The following FHIT variants were observed in gnomAD, a reference collection of about 807,000 sequenced individuals.
FHIT encodes bis(5'-adenosyl)-triphosphatase.
In FHIT, 19 loss-of-function variants were observed where a neutral mutation model predicts 17.9. The observed-to-expected ratio is 1.06, with a 90% confidence interval of 0.74 to 1.56. The LOEUF is 1.56. Ranked by LOEUF, FHIT falls within the 40% of genes most tolerant of loss-of-function variation. The pLI is 0.00. For synonymous variants in FHIT, 81 were observed against 69.7 expected (o/e 1.16, Z -0.81); for missense variants, 248 against 189.2 (o/e 1.31, Z -1.82).
At chr3:61,212,191 A>G (rs892623100) in intron 1 of FHIT, among the ~76,000 whole-genome samples, 5 of 152,262 alleles carry the variant, frequency 3.3e-5, no homozygotes, top group Non-Finnish European at 7.3e-5. Context: ...GCTTCAGACG[A>G]TCAAACTACT....
At chr3:60,183,613 T>A (rs192471642) in intron 5 of FHIT, among the ~76,000 whole-genome samples, 1 of 152,168 alleles carries the variant, frequency 6.6e-6, no homozygotes, top group East Asian at 1.9e-4. Flanking sequence ...CAGGCTCAAG[T>A]GTGCCATGTC....
chr3:60,912,423 G>T (rs1303325979), intron 3 of FHIT, among the ~76,000 whole-genome samples: 1 of 152,118 alleles, frequency 6.6e-6, no homozygotes, highest in African/African-American at 2.4e-5. Flanking sequence ...TATCCCATGG[G>T]GTTATTATAG....
chr3:60,822,828 G>C lies in FHIT; in HGVS notation c.-110-817C>G, dbSNP rs185248581. On this transcript the variant is annotated intron_variant, in intron 3 of 9. Coordinates refer to ENST00000492590, the MANE Select transcript of FHIT (RefSeq NM_002012.4). The stretch of plus-strand genomic sequence containing the variant: ...GTGACAGGGAGGCTATTGAGACCTT[G>C]CTGCTCATAAATCACTCAATGACAA... Among the ~76,000 whole-genome samples the C allele has an allele frequency of 2.0e-5, 3 of 152,240 alleles. No homozygotes were observed. In the East Asian group the frequency reaches 5.8e-4, roughly 29 times the overall value.
At chr3:60,731,692 C>T (rs1553711281) in intron 4 of FHIT, among the ~76,000 whole-genome samples, 1 of 152,180 alleles carries the variant, frequency 6.6e-6, no homozygotes, top group Non-Finnish European at 1.5e-5. Context: ...CACGCACCCA[C>T]CTCCTGAGAT....
chr3:61,165,243 T>C (rs1386153248), intron 2 of FHIT, among the ~76,000 whole-genome samples: 5 of 152,214 alleles, frequency 3.3e-5, no homozygotes, highest in Admixed American at 2.6e-4. Context: ...CTGACCTAAT[T>C]TACATTCTCG....
chr3:60,289,857 T>C (rs1197625285), intron 5 of FHIT, among the ~76,000 whole-genome samples: 2 of 152,198 alleles, frequency 1.3e-5, no homozygotes, highest in African/African-American at 2.4e-5. Context: ...AACTATAGTT[T>C]AGCAAAGTGG....
intron 2 of FHIT, among the ~76,000 whole-genome samples, chr3:61,198,846 T>C (rs2038928705): frequency 6.6e-6 from 1 of 152,118 alleles, no homozygotes; most frequent in African/African-American, 2.4e-5. Flanking sequence ...CTTATAAAAA[T>C]GTATAATGAA....
chr3:60,294,633 A>G (rs1708127841), intron 5 of FHIT, among the ~76,000 whole-genome samples: 1 of 152,130 alleles, frequency 6.6e-6, no homozygotes, highest in Non-Finnish European at 1.5e-5. Context: ...GAACATTACC[A>G]TTCGCACAAA....
chr3:60,375,017 T>C (rs1700488261), intron 5 of FHIT, among the ~76,000 whole-genome samples: 1 of 151,614 alleles, frequency 6.6e-6, no homozygotes, highest in Non-Finnish European at 1.5e-5. Context: ...ACTCTAAGGG[T>C]AGCAGTGGTG....
At position 60,711,854 on chromosome 3, in the gene FHIT, A is replaced by C. The variant is rs556759316; in HGVS notation, c.-18+110065T>G. On this transcript the variant is annotated intron_variant, in intron 4 of 9. Transcript: ENST00000492590. ...ACCAAGTTGGAAAACACTCTGCAGGATATTATCCAGGAGAACTTCCACAAT... is the reference window on the plus strand; with the variant it reads ...ACCAAGTTGGAAAACACTCTGCAGGCTATTATCCAGGAGAACTTCCACAAT... Among the ~76,000 whole-genome samples the C allele has an allele frequency of 7.9e-5, 12 of 152,338 alleles. No homozygotes were observed. In the East Asian group the frequency reaches 2.3e-3, roughly 29 times the overall value.
intron 1 of FHIT, among the ~76,000 whole-genome samples, chr3:61,227,554 T>C (rs2040000132): frequency 6.6e-6 from 1 of 152,118 alleles, no homozygotes; most frequent in Non-Finnish European, 1.5e-5. Context: ...TGAAAATTAA[T>C]ATAAGCAGTT....
At chr3:60,788,665 A>G (rs6786213) in intron 4 of FHIT, among the ~76,000 whole-genome samples, 86,639 of 151,874 alleles carry the variant, frequency 0.57, 26,449 homozygotes, top group African/African-American at 0.79. Flanking sequence ...CAGGGTGTTG[A>G]CATTCACAGT....
intron 2 of FHIT, among the ~76,000 whole-genome samples, chr3:61,111,535 G>A (rs190654406): frequency 5.3e-4 from 80 of 152,290 alleles, no homozygotes; most frequent in Admixed American, 2.0e-3. Flanking sequence ...CATTTGCTGC[G>A]TGGAGGAAAG....
intron 2 of FHIT, among the ~76,000 whole-genome samples, chr3:61,081,593 C>G (rs1160118263): frequency 6.6e-6 from 1 of 152,228 alleles, no homozygotes; most frequent in African/African-American, 2.4e-5. Flanking sequence ...ATTCCTCCCT[C>G]TGAGACTTCT....
intron 8 of FHIT, among the ~76,000 whole-genome samples, chr3:59,809,993 A>G (rs1700351327): frequency 6.6e-6 from 1 of 152,104 alleles, no homozygotes; most frequent in African/African-American, 2.4e-5. Context: ...GTCAGTTTTG[A>G]GAGATTGGAA....
At chr3:60,960,639 T>C (rs573186962) in intron 3 of FHIT, among the ~76,000 whole-genome samples, 1 of 152,282 alleles carries the variant, frequency 6.6e-6, no homozygotes, top group Non-Finnish European at 1.5e-5. Context: ...CCTGTGTCTA[T>C]GTGTTCTCAT....
chr3:60,268,470 T>C (rs935180813), intron 5 of FHIT, among the ~76,000 whole-genome samples: 1 of 152,160 alleles, frequency 6.6e-6, no homozygotes, highest in Non-Finnish European at 1.5e-5. Flanking sequence ...ACCCTAAAAT[T>C]GGACTAGGCA....
intron 5 of FHIT, among the ~76,000 whole-genome samples, chr3:60,457,231 A>G (rs189973606): frequency 0.044 from 6,707 of 152,130 alleles, 184 homozygotes; most frequent in Middle Eastern, 0.1. Flanking sequence ...ACCAAAACAG[A>G]GATATAGACC....
At chr3:60,280,921 G>C (rs958906661) in intron 5 of FHIT, among the ~76,000 whole-genome samples, 8 of 53,814 alleles carry the variant, frequency 1.5e-4, no homozygotes, top group African/African-American at 6.3e-4. Context: ...TGATATGGCT[G>C]ACTATGTAGA....
Sources: allele counts gnomAD v4.1 joint callset (sites outside exome capture counted in the v4.1 genomes callset), GRCh38; gene constraint gnomAD v4.1.1; transcripts MANE v1.5; gene names NCBI Gene and HGNC (gene_info 2026-07-23, HGNC 2026-07-21).